Variants in FAM120B observed in about 807,000 individuals in gnomAD.
FAM120B encodes constitutive coactivator of peroxisome proliferator-activated receptor gamma.
A neutral mutation model predicts 96.3 loss-of-function variants in FAM120B; 83 were observed. The ratio of observed to expected loss-of-function variants is 0.86; its 90% CI spans 0.72 to 1.03. The LOEUF (loss-of-function observed/expected upper bound fraction) is 1.03, where lower values mean the gene tolerates loss of function less well. FAM120B is among the 50% of genes least tolerant of loss of function. The pLI is 0.00. For missense variants in FAM120B, 1,027 were observed against 1,121.2 expected, an observed-to-expected ratio of 0.92 and a Z score of 1.20; for synonymous variants, 407 against 402.7, an observed-to-expected ratio of 1.01 and a Z score of -0.13.
rs1176044144 is a variant in FAM120B, at chr6:170,385,306, T to C, written c.2284-2981T>C. 1.3e-5 allele frequency among the ~76,000 whole-genome samples: 2 copies of C among 152,110 alleles called. 1 individual carries two copies. The highest frequency in any genetic ancestry group is 2.9e-5 in the Non-Finnish European group (2 of 68,018). On this transcript the variant is annotated intron_variant, in intron 6 of 10. Transcript: ENST00000476287. Reference sequence around the variant, plus strand: ...CAGTGAAAATATTGTCCATAAAAAATGTGTGGGATGAAGCTGAAAGCTGTT... The same window carrying C: ...CAGTGAAAATATTGTCCATAAAAAACGTGTGGGATGAAGCTGAAAGCTGTT...
upstream of FAM120B, among the ~76,000 whole-genome samples, chr6:170,305,719 C>T (rs142005815): frequency 6.9e-4 from 105 of 152,294 alleles, no homozygotes; most frequent in Middle Eastern, 6.8e-3. Flanking sequence ...AGATTGGTTT[C>T]AAGGTCGTCA....
chr6:170,366,455 T>A (rs1788802456), intron 6 of FAM120B, among the ~76,000 whole-genome samples: 2 of 152,202 alleles, frequency 1.3e-5, no homozygotes, highest in South Asian at 4.1e-4. Context: ...TCTATTTGGC[T>A]GGACCTGTGC....
intron 9 of FAM120B, among the ~76,000 whole-genome samples, chr6:170,403,226 A>T (rs1459760891): frequency 6.6e-6 from 1 of 152,186 alleles, no homozygotes; most frequent in Non-Finnish European, 1.5e-5. Flanking sequence ...AGTGTATGTT[A>T]TACACACATG....
At chr6:170,333,493 T>C (rs1048388715) in intron 4 of FAM120B, among the ~76,000 whole-genome samples, 8 of 151,902 alleles carry the variant, frequency 5.3e-5, no homozygotes, top group African/African-American at 1.9e-4. Context: ...CTTATTTACA[T>C]GCATATATTT....
At chr6:170,398,351 G>A (rs548107136) in intron 9 of FAM120B, among the ~76,000 whole-genome samples, 1 of 152,374 alleles carries the variant, frequency 6.6e-6, no homozygotes, top group African/African-American at 2.4e-5. Context: ...TCTTAGGAGT[G>A]AGTGGGAAAG....
chr6:170,321,615 G>A (rs1785292976), intron 2 of FAM120B, among the ~76,000 whole-genome samples: 2 of 152,134 alleles, frequency 1.3e-5, no homozygotes, highest in African/African-American at 4.8e-5. Context: ...CTGACCTCAA[G>A]TGATCCACCT....
At chr6:170,323,302 G>A (rs1236343953) in intron 3 of FAM120B, 43 bp downstream of exon 3, 1 of 1,531,860 alleles carries the variant, frequency 6.5e-7, no homozygotes, top group Non-Finnish European at 8.9e-7. Context: ...TCTATTTGGA[G>A]TTGAGTTCTG....
chr6:170,388,548 C>A, intron 7 of FAM120B, 55 bp downstream of exon 7: 1 of 1,449,134 alleles, frequency 6.9e-7, no homozygotes. Context: ...CTCCAGGCTG[C>A]ACAAAAAACA....
At chr6:170,333,170 G>GC (rs907372126) in intron 4 of FAM120B, among the ~76,000 whole-genome samples, 5 of 33,726 alleles carry the variant, frequency 1.5e-4, no homozygotes, top group African/African-American at 4.6e-4. Context: ...CCGCCCCCCC[G>GC]CCCCCCGCAA....
intron 4 of FAM120B, among the ~76,000 whole-genome samples, chr6:170,334,571 T>TGTGTGTGC (rs778707437): frequency 6.6e-6 from 1 of 151,756 alleles, no homozygotes; most frequent in South Asian, 2.1e-4. Flanking sequence ...TGTGTGTGTG[T>TGTGTGTGC]GTGCACATGC....
At chr6:170,326,964 C>T (rs1785628884) in intron 3 of FAM120B, among the ~76,000 whole-genome samples, 1 of 152,104 alleles carries the variant, frequency 6.6e-6, no homozygotes, top group South Asian at 2.1e-4. Flanking sequence ...AGGCTGGTCT[C>T]AAACTCCTGA....
At chr6:170,379,746 GAA>G (rs2115281060) in intron 6 of FAM120B, among the ~76,000 whole-genome samples, 1 of 152,146 alleles carries the variant, frequency 6.6e-6, no homozygotes, top group East Asian at 1.9e-4. Context: ...GTTGTTCTAA[GAA>G]AGTGTTCGTA....
At chr6:170,291,182 A>C, upstream of FAM120B, 1 of 488,154 alleles carries the variant, frequency 2.0e-6, no homozygotes, top group Non-Finnish European at 3.9e-6. Context: ...TCACCACACA[A>C]AACGCACTCA....
rs370719380 is a variant in FAM120B at position 170,399,824 on chromosome 6, AG to A, written c.2692+4246del. On this transcript the variant is annotated intron_variant, in intron 9 of 10. Transcript: ENST00000476287. ...GTAGAACTATGTCATAAGCCTTAGG[AG>A]TGAGTGGGGAAGGTAGAACTATGTC... 2.3e-3 allele frequency among the ~76,000 whole-genome samples: 284 copies of A among 124,570 alleles called. 30 individuals carry two copies. In the East Asian group the frequency reaches 0.18, roughly 77 times the overall value. The allele number at this position is 124,570 out of a possible 152,430, so 81.7% of individuals were successfully genotyped here. A position where few individuals can be genotyped will look rare whatever the true frequency, so the allele number is the denominator to read the frequency against.
chr6:170,318,826 C>T lies in FAM120B; in HGVS notation c.1436C>T (p.Pro479Leu). The T allele has an allele frequency of 1.2e-6, 2 of 1,614,218 alleles. No individual in the cohort carries two copies. The highest frequency in any genetic ancestry group is 1.7e-6 in the Non-Finnish European group (2 of 1,180,044). Reference protein sequence around the residue: ...SRQEVPMYTGPESRQEVLIRT... With the variant: ...SRQEVPMYTGLESRQEVLIRT... ...CAAGAAGTTCCCATGTATACAGGCC[C>T]TGAATCCAGGCAAGAAGTTTTAATA... The change falls in exon 2 of 11, where the codon CCT becomes CTT. Residue 479 changes from proline (P) to leucine (L), a missense_variant. This residue lies in a region of FAM120B where 880 missense variants were observed against 980.9 expected (regional missense o/e 0.90). Transcript: ENST00000476287.
At chr6:170,381,346 T>A (rs144575217) in intron 6 of FAM120B, among the ~76,000 whole-genome samples, 108 of 152,164 alleles carry the variant, frequency 7.1e-4, no homozygotes, top group Middle Eastern at 6.8e-3. Context: ...ACCAAACAGG[T>A]TCTTTAAAGA....
At position 170,330,551 on chromosome 6, in the gene FAM120B, G is replaced by A. The variant is rs1252910408; in HGVS notation, c.2017+1G>A. On this transcript the variant is annotated splice_donor_variant, in intron 4 of 10. Transcript: ENST00000476287. LOFTEE classifies it high-confidence loss of function. ...AGGCCGCTGCAGATGACCATTCCAG[G>A]TACAGGCAGCCTTTCTTTAAATGAA... 1.2e-6 allele frequency: 2 copies of A among 1,610,746 alleles called. No homozygotes were observed. The highest frequency in any genetic ancestry group is 2.2e-5 in the East Asian group (1 of 44,886).
Position 170,318,340 on chromosome 6 carries a change from A to G in FAM120B, c.950A>G (p.Lys317Arg), listed in dbSNP as rs756330192. 2 of 1,614,172 alleles carry G rather than the reference A, an allele frequency of 1.2e-6. No individual in the cohort carries two copies. The highest frequency in any genetic ancestry group is 1.7e-6 in the Non-Finnish European group (2 of 1,180,036). ...PGQKSPWFFQKPKGVITLDKQ... is the reference protein window; with the variant it reads ...PGQKSPWFFQRPKGVITLDKQ... Reference sequence around the variant, plus strand: ...CAAAAATCTCCATGGTTTTTCCAAAAACCCAAAGGTGTAATAACTTTGGAC... The same window carrying G: ...CAAAAATCTCCATGGTTTTTCCAAAGACCCAAAGGTGTAATAACTTTGGAC... Residue 317 changes from lysine to arginine, a missense_variant, in exon 2 of 11, where the codon AAA becomes AGA. Coordinates refer to ENST00000476287, the MANE Select transcript of FAM120B (RefSeq NM_032448.3).
intron 1 of FAM120B, among the ~76,000 whole-genome samples, chr6:170,315,947 T>G (rs1784872088): frequency 1.4e-5 from 2 of 144,000 alleles, no homozygotes; most frequent in Admixed American, 7.2e-5. Flanking sequence ...AAAGGCCAGG[T>G]GTGGTGGCAG....
Sources: allele counts gnomAD v4.1 joint callset (sites outside exome capture counted in the v4.1 genomes callset), GRCh38; gene constraint gnomAD v4.1.1; regional missense constraint gnomAD v4.1.1; transcripts MANE v1.5; gene names NCBI Gene and HGNC (gene_info 2026-07-23, HGNC 2026-07-21).